PLD5: variants seen among roughly 807,000 people sequenced by gnomAD.
The protein encoded by PLD5 is inactive phospholipase D5.
In PLD5, 36 loss-of-function variants were observed where a neutral mutation model predicts 61.1. The ratio of observed to expected loss-of-function variants is 0.59; its 90% CI spans 0.45 to 0.78. The LOEUF (loss-of-function observed/expected upper bound fraction) is 0.78, where lower values mean the gene tolerates loss of function less well. Ranked by LOEUF, PLD5 falls within the 30% of genes least tolerant of loss-of-function variation. The pLI, the probability that PLD5 is intolerant of heterozygous loss-of-function variation, is 0.00. For synonymous variants in PLD5, 243 were observed against 242.8 expected, an observed-to-expected ratio of 1.00 and a Z score of -0.01; for missense variants, 515 against 644.4, an observed-to-expected ratio of 0.80 and a Z score of 2.17.
intron 1 of PLD5, among the ~76,000 whole-genome samples, chr1:242,443,131 G>C (rs1666351333): frequency 6.6e-6 from 1 of 152,154 alleles, no homozygotes; most frequent in Non-Finnish European, 1.5e-5. Flanking sequence ...TAGTTAAAAA[G>C]TGAGATTTAA....
chr1:242,106,129 GC>G (rs1661037632), intron 8 of PLD5, among the ~76,000 whole-genome samples: 3 of 152,286 alleles, frequency 2.0e-5, no homozygotes, highest in Admixed American at 2.0e-4. Context: ...ACTGCCATGG[GC>G]CTCCAAGCCT....
chr1:242,292,384 C>T (rs1439165774), intron 2 of PLD5, among the ~76,000 whole-genome samples: 1 of 152,146 alleles, frequency 6.6e-6, no homozygotes, highest in South Asian at 2.1e-4. Context: ...TGGAGAAAGA[C>T]AAGAGGAGAC....
intron 1 of PLD5, among the ~76,000 whole-genome samples, chr1:242,473,712 T>C (rs1667507933): frequency 6.6e-6 from 1 of 152,228 alleles, no homozygotes; most frequent in South Asian, 2.1e-4. Context: ...AGCAAGAATG[T>C]CTGTCATCTT....
intron 1 of PLD5, among the ~76,000 whole-genome samples, chr1:242,441,972 G>A (rs954038462): frequency 1.3e-5 from 2 of 152,174 alleles, no homozygotes; most frequent in African/African-American, 4.8e-5. Flanking sequence ...ATTTGCAGCT[G>A]TTTCCAGTAC....
intron 1 of PLD5, among the ~76,000 whole-genome samples, chr1:242,372,637 C>T (rs1400926091): frequency 6.6e-6 from 1 of 152,106 alleles, no homozygotes; most frequent in Non-Finnish European, 1.5e-5. Context: ...GAAATATTAC[C>T]ACACATGTAC....
At chr1:242,092,416 C>T (rs1176242808) in intron 9 of PLD5, among the ~76,000 whole-genome samples, 2 of 152,106 alleles carry the variant, frequency 1.3e-5, no homozygotes, top group African/African-American at 2.4e-5. Flanking sequence ...CACTGGTGCA[C>T]CCAGGTCTGC....
At chr1:242,170,281 C>A (rs1666652313) in intron 5 of PLD5, among the ~76,000 whole-genome samples, 1 of 152,180 alleles carries the variant, frequency 6.6e-6, no homozygotes, top group Non-Finnish European at 1.5e-5. Context: ...CTAGTGATAA[C>A]CTAGGCAAAC....
chr1:242,452,865 CT>C (rs1488354331), intron 1 of PLD5, among the ~76,000 whole-genome samples: 1 of 152,028 alleles, frequency 6.6e-6, no homozygotes, highest in African/African-American at 2.4e-5. Context: ...TCTGCACCCC[CT>C]AGGTCCTATC....
chr1:242,332,605 C>T (rs917332519), intron 2 of PLD5, among the ~76,000 whole-genome samples: 16 of 152,196 alleles, frequency 1.1e-4, no homozygotes, highest in African/African-American at 3.1e-4. Context: ...TGTCTCATTG[C>T]GGTTTTGATT....
At chr1:242,230,304 T>C (rs1172448269) in intron 4 of PLD5, among the ~76,000 whole-genome samples, 1 of 152,230 alleles carries the variant, frequency 6.6e-6, no homozygotes, top group Non-Finnish European at 1.5e-5. Flanking sequence ...AATAGCATTA[T>C]AAAATTAATC....
chr1:242,279,446 G>C (rs1279931912), intron 3 of PLD5, among the ~76,000 whole-genome samples: 1 of 152,140 alleles, frequency 6.6e-6, no homozygotes, highest in African/African-American at 2.4e-5. Flanking sequence ...AATCTCCCCA[G>C]GTGACTCTGA....
At chr1:242,421,119 G>T (rs1358201842) in intron 1 of PLD5, among the ~76,000 whole-genome samples, 1 of 142,778 alleles carries the variant, frequency 7.0e-6, no homozygotes, top group South Asian at 2.2e-4. Flanking sequence ...GGTGAAGGTT[G>T]CAGTGATCCG....
At chr1:242,424,615 C>T (rs1179984698) in intron 1 of PLD5, among the ~76,000 whole-genome samples, 1 of 151,874 alleles carries the variant, frequency 6.6e-6, no homozygotes, top group East Asian at 1.9e-4. Context: ...AAGTTTTATC[C>T]ATATCACCTG....
chr1:242,168,600 A>G (rs1357341803), intron 5 of PLD5, among the ~76,000 whole-genome samples: 1 of 152,224 alleles, frequency 6.6e-6, no homozygotes, highest in Non-Finnish European at 1.5e-5. Context: ...ACTCAGTTAA[A>G]GGTACCAATA....
At chr1:242,348,301 C>G (rs1660256880) in intron 1 of PLD5, 59 bp from the exon 2 acceptor site, 1 of 1,517,278 alleles carries the variant, frequency 6.6e-7, no homozygotes, top group African/African-American at 1.4e-5. Flanking sequence ...TTGGGAAACT[C>G]AAGAAGTGAC....
At chr1:242,338,561 C>A (rs1659658788) in intron 2 of PLD5, among the ~76,000 whole-genome samples, 1 of 152,100 alleles carries the variant, frequency 6.6e-6, no homozygotes, top group African/African-American at 2.4e-5. Flanking sequence ...TCATTAAAAT[C>A]AAAACTTTGA....
At chr1:242,179,875 C>T (rs181645222) in intron 5 of PLD5, among the ~76,000 whole-genome samples, 14 of 152,026 alleles carry the variant, frequency 9.2e-5, no homozygotes, top group African/African-American at 3.4e-4. Flanking sequence ...TGCACTCCAG[C>T]CTAGGTGACA....
Position 242,112,339 on chromosome 1 carries a change from G to GTGTGTA in PLD5, c.1070+1550_1070+1551insTACACA, listed in dbSNP as rs1370325825. Among the ~76,000 whole-genome samples, 19 of 143,358 alleles carry GTGTGTA rather than the reference G, an allele frequency of 1.3e-4. 1 individual carries two copies. The highest frequency in any genetic ancestry group is 2.8e-4 in the Admixed American group (4 of 14,376). The allele number at this position is 143,358 out of a possible 152,430, so 94.0% of individuals were successfully genotyped here. ...TGTGTGTGTGTATGTATGTATATGT[G>GTGTGTA]TATATATATATATAGATGGAGTCTC... On this transcript the variant is annotated intron_variant, in intron 7 of 9. Transcript: ENST00000536534.
chr1:242,136,749 G>GGTA (rs1663760682), intron 5 of PLD5, among the ~76,000 whole-genome samples: 1 of 152,138 alleles, frequency 6.6e-6, no homozygotes, highest in African/African-American at 2.4e-5. Flanking sequence ...TCAAAAACAG[G>GGTA]GTAAGATGTG....
Sources: allele counts gnomAD v4.1 joint callset (sites outside exome capture counted in the v4.1 genomes callset), GRCh38; gene constraint gnomAD v4.1.1; transcripts MANE v1.5; gene names NCBI Gene and HGNC (gene_info 2026-07-23, HGNC 2026-07-21).